The following PYGB variants were observed in gnomAD, a reference collection of about 807,000 sequenced individuals.
PYGB encodes glycogen phosphorylase B, also known as glycogen phosphorylase, brain form.
PYGB carries 82 observed loss-of-function variants against 94.3 expected under a neutral mutation model. The ratio of observed to expected loss-of-function variants is 0.87; its 90% CI spans 0.73 to 1.04. PYGB has a LOEUF of 1.04. PYGB is among the 50% of genes least tolerant of loss of function. The pLI is 0.00. For missense variants in PYGB, 1,132 were observed against 1,158.2 expected (o/e 0.98, Z 0.33); for synonymous variants, 488 against 479.1 (o/e 1.02, Z -0.24).
chr20:25,268,170 C>CCCTCCA (rs1600727166), intron 2 of PYGB, among the ~76,000 whole-genome samples: 1 of 119,976 alleles, frequency 8.3e-6, no homozygotes, highest in Non-Finnish European at 1.7e-5. Context: ...CGCCCCCCCC[C>CCCTCCA]CATATCCAAA....
intron 15 of PYGB, among the ~76,000 whole-genome samples, chr20:25,289,593 G>A (rs1365828341): frequency 2.0e-5 from 3 of 151,978 alleles, no homozygotes; most frequent in African/African-American, 7.3e-5. Flanking sequence ...ATAGTGAGCT[G>A]TGATTGCACT....
At chr20:25,287,600 G>A (rs530539377) in intron 14 of PYGB, among the ~76,000 whole-genome samples, 4 of 152,224 alleles carry the variant, frequency 2.6e-5, no homozygotes, top group South Asian at 2.1e-4. Flanking sequence ...CTGTGAACCC[G>A]GATTACACCA....
chr20:25,265,216 C>G (rs1254960612), intron 2 of PYGB, among the ~76,000 whole-genome samples: 2 of 152,170 alleles, frequency 1.3e-5, no homozygotes, highest in Non-Finnish European at 2.9e-5. Flanking sequence ...GGAAAACTGG[C>G]TAGCCATATG....
chr20:25,259,657 A>C (rs537839927), intron 2 of PYGB, among the ~76,000 whole-genome samples: 1 of 152,166 alleles, frequency 6.6e-6, no homozygotes, highest in East Asian at 1.9e-4. Flanking sequence ...GGTTGGTATT[A>C]TTCCATTTTG....
intron 2 of PYGB, among the ~76,000 whole-genome samples, chr20:25,265,452 T>C (rs2088208294): frequency 6.6e-6 from 1 of 152,244 alleles, no homozygotes; most frequent in South Asian, 2.1e-4. Context: ...GTTATAGTTT[T>C]TATTTGCATG....
chr20:25,276,245 G>A (rs2088309778), intron 5 of PYGB, among the ~76,000 whole-genome samples: 1 of 152,182 alleles, frequency 6.6e-6, no homozygotes, highest in Admixed American at 6.5e-5. Context: ...CTGCGTGTTG[G>A]AGTTGCTAGA....
At chr20:25,265,273 G>A (rs534016225) in intron 2 of PYGB, among the ~76,000 whole-genome samples, 1 of 150,960 alleles carries the variant, frequency 6.6e-6, no homozygotes, top group East Asian at 1.9e-4. Context: ...TCATATGGCA[G>A]TTCCATTCTT....
intron 15 of PYGB, 34 bp downstream of exon 15, chr20:25,288,517 GT>G (rs749940219): frequency 6.2e-7 from 1 of 1,608,538 alleles, no homozygotes; most frequent in Non-Finnish European, 8.5e-7. Flanking sequence ...TCTCTGTGGT[GT>G]TTGGTCTGGG....
chr20:25,248,583 C>A (rs2092877995), intron 1 of PYGB, among the ~76,000 whole-genome samples, 162 bp downstream of exon 1: 1 of 152,002 alleles, frequency 6.6e-6, no homozygotes, highest in Non-Finnish European at 1.5e-5. Context: ...CTGGAAGCCG[C>A]AGTCGGCGGG....
intron 18 of PYGB, chr20:25,294,792 T>C: frequency 1.4e-6 from 1 of 707,248 alleles, no homozygotes; most frequent in Non-Finnish European, 2.6e-6. Flanking sequence ...TAGCACATGG[T>C]ATGGTTTATC....
In PYGB at chr20:25,248,552, C is replaced by T. The variant is rs902382400; in HGVS notation, c.243+131C>T. 4.3e-6 allele frequency: 5 copies of T among 1,162,646 alleles called. No individual in the cohort carries two copies. The African/African-American group carries it at 6.4e-5, about 15-fold the overall frequency. 72.0% of individuals were successfully genotyped at this position (1,162,646 alleles called of 1,614,324 possible). On this transcript the variant is annotated intron_variant, in intron 1 of 19. Transcript: ENST00000216962. ...CGCCCCTAGCCGGCCGGCGGCCAGG[C>T]ACAGCCGACTGGGGAGTCGCCTGGA...
rs199882961 is a variant in PYGB at position 25,282,123 on chromosome 20, G to A, written c.1494G>A (p.Pro498=). 52 of 1,613,188 alleles carry A rather than the reference G, an allele frequency of 3.2e-5. No individual in the cohort carries two copies. Among genetic ancestry groups the A allele is most frequent in the Middle Eastern group, 1.7e-4 (1 of 5,738 alleles). Residue 498 remains proline, a synonymous_variant, in exon 12 of 20, where the codon CCG becomes CCA. Coordinates refer to ENST00000216962, the MANE Select transcript of PYGB (RefSeq NM_002862.4). Reference sequence around the variant, plus strand: ...GCCGGTGGCTGCTGCTGTGCAACCCGGGGCTGGCCGATACCATCGTGGAGG... The same window carrying A: ...GCCGGTGGCTGCTGCTGTGCAACCCAGGGCTGGCCGATACCATCGTGGAGG... ...TPRRWLLLCN[P]GLADTIVEKI... is the part of the protein sequence containing the mutation.
chr20:25,288,252 G>C (rs762780731), intron 14 of PYGB, 173 bp from the exon 15 acceptor site: 1 of 754,768 alleles, frequency 1.3e-6, no homozygotes, highest in African/African-American at 1.7e-5. Context: ...TGGTGGGTGG[G>C]CAGGTGGGTG....
intron 12 of PYGB, among the ~76,000 whole-genome samples, chr20:25,282,799 G>A (rs1190950275): frequency 1.3e-5 from 2 of 152,226 alleles, no homozygotes; most frequent in African/African-American, 4.8e-5. Context: ...GTGAGGTGCT[G>A]GCTTTGAGGG....
At chr20:25,284,045 G>C (rs2088394417) in intron 13 of PYGB, 59 bp from the exon 14 acceptor site, 2 of 1,591,622 alleles carry the variant, frequency 1.3e-6, no homozygotes, top group Admixed American at 1.7e-5. Context: ...GGAAGCCGCA[G>C]GGTCAGTGGA....
At chr20:25,248,795 C>T (rs371078326) in intron 1 of PYGB, among the ~76,000 whole-genome samples, 4 of 152,380 alleles carry the variant, frequency 2.6e-5, no homozygotes, top group African/African-American at 9.6e-5. Flanking sequence ...CTTTGTTTTC[C>T]TGCAGCAGCC....
At chr20:25,249,638 C>G (rs1022418552) in intron 1 of PYGB, among the ~76,000 whole-genome samples, 1 of 152,294 alleles carries the variant, frequency 6.6e-6, no homozygotes, top group African/African-American at 2.4e-5. Flanking sequence ...CTGGGACATT[C>G]TTTTTTCTAA....
In PYGB at chr20:25,280,280, G is replaced by T. The variant is rs201417039; in HGVS notation, c.1107G>T (p.Thr369=). ...TAATGGCCTAGGCCTGGGAAATCAC[G>T]AAGAAGACCTGTGCATACACCAACC... ...KVDWDKAWEI[T]KKTCAYTNHT... The change falls in exon 10 of 20, where the codon ACG becomes ACT. Residue 369 remains threonine (T), a synonymous_variant. Transcript: ENST00000216962. The T allele has an allele frequency of 6.2e-7, 1 of 1,614,084 alleles. No homozygotes were observed.
chr20:25,276,415 G>A (rs1036094278), intron 5 of PYGB, among the ~76,000 whole-genome samples: 4 of 152,084 alleles, frequency 2.6e-5, no homozygotes, highest in African/African-American at 9.7e-5. Context: ...TCTGGGGAGG[G>A]TGGTGGGACG....
Sources: allele counts gnomAD v4.1 joint callset (sites outside exome capture counted in the v4.1 genomes callset), GRCh38; gene constraint gnomAD v4.1.1; transcripts MANE v1.5; gene names NCBI Gene and HGNC (gene_info 2026-07-23, HGNC 2026-07-21).